FBXL13: variants seen among roughly 807,000 people sequenced by gnomAD.
FBXL13 encodes the protein F-box and leucine rich repeat protein 13, also known as F-box and leucine-rich repeat protein 13.
A neutral mutation model predicts 83.6 loss-of-function variants in FBXL13; 67 were observed. The observed-to-expected ratio is 0.80, with a 90% CI of 0.66 to 0.98. The LOEUF (loss-of-function observed/expected upper bound fraction) is 0.98. Among genes scored for constraint, FBXL13 ranks in the 50% least tolerant of loss-of-function variants. The pLI is 0.00. For synonymous variants in FBXL13, 272 were observed against 299.5 expected, an observed-to-expected ratio of 0.91 and a Z score of 0.95; for missense variants, 822 against 866.5, an observed-to-expected ratio of 0.95 and a Z score of 0.64.
At chr7:103,046,263 CA>C (rs1335294042) in intron 2 of FBXL13, among the ~76,000 whole-genome samples, 1 of 152,118 alleles carries the variant, frequency 6.6e-6, no homozygotes. Context: ...TCTGTTTAGC[CA>C]ATTATATTAT....
chr7:102,835,778 T>G (rs1455733673), intron 17 of FBXL13, among the ~76,000 whole-genome samples: 2 of 149,684 alleles, frequency 1.3e-5, no homozygotes, highest in Admixed American at 1.3e-4. Context: ...CCCGGCTAAT[T>G]TTTTGTATTT....
At chr7:102,844,326 T>C (rs1803549657) in intron 17 of FBXL13, among the ~76,000 whole-genome samples, 2 of 151,992 alleles carry the variant, frequency 1.3e-5, no homozygotes, top group South Asian at 2.1e-4. Flanking sequence ...AACCAGAAAA[T>C]ATAAAGAGAA....
chr7:102,898,812 T>A (rs945508612), intron 11 of FBXL13, among the ~76,000 whole-genome samples: 14 of 152,350 alleles, frequency 9.2e-5, no homozygotes, highest in African/African-American at 2.9e-4. Context: ...GTGAGAAACC[T>A]TCACAACTTT....
intron 17 of FBXL13, among the ~76,000 whole-genome samples, chr7:102,854,453 A>G (rs1195820278): frequency 6.6e-6 from 1 of 152,224 alleles, no homozygotes; most frequent in Non-Finnish European, 1.5e-5. Flanking sequence ...GCGCACCAGC[A>G]TGTCACATGT....
chr7:102,990,374 AG>A (rs1829437062), intron 6 of FBXL13, among the ~76,000 whole-genome samples: 1 of 152,234 alleles, frequency 6.6e-6, no homozygotes, highest in Admixed American at 6.5e-5. Flanking sequence ...CAAGACAAGA[AG>A]GGATCATAGG....
chr7:102,922,799 C>T (rs1299691960), intron 10 of FBXL13, among the ~76,000 whole-genome samples: 5 of 151,674 alleles, frequency 3.3e-5, no homozygotes, highest in African/African-American at 9.7e-5. Context: ...AGTGAAACCC[C>T]GTCTCTACTA....
intron 17 of FBXL13, among the ~76,000 whole-genome samples, chr7:102,841,848 G>T (rs1467397958): frequency 1.1e-4 from 17 of 152,134 alleles, no homozygotes. Context: ...ACTATCCTTG[G>T]CATGGATAGC....
At chr7:102,819,171 C>G (rs989768756) in intron 19 of FBXL13, among the ~76,000 whole-genome samples, 8 of 152,158 alleles carry the variant, frequency 5.3e-5, no homozygotes, top group African/African-American at 1.9e-4. Context: ...CTTTCTTCCT[C>G]TCTCTCACTC....
intron 6 of FBXL13, among the ~76,000 whole-genome samples, chr7:103,015,263 T>C (rs1792148661): frequency 6.6e-6 from 1 of 152,184 alleles, no homozygotes; most frequent in South Asian, 2.1e-4. Flanking sequence ...GCTGAAGGCA[T>C]TCCCCTTGAA....
At chr7:103,021,255 G>T (rs1179071817) in intron 6 of FBXL13, among the ~76,000 whole-genome samples, 2 of 152,130 alleles carry the variant, frequency 1.3e-5, no homozygotes, top group East Asian at 3.8e-4. Flanking sequence ...TTTAATAAAT[G>T]GTGCTGGAAA....
chr7:102,902,764 CTA>C (rs1180482213), intron 11 of FBXL13, among the ~76,000 whole-genome samples: 1 of 152,056 alleles, frequency 6.6e-6, no homozygotes, highest in Non-Finnish European at 1.5e-5. Context: ...TCTGGGTTCT[CTA>C]TTCTGTTCTA....
intron 16 of FBXL13, among the ~76,000 whole-genome samples, chr7:102,868,923 C>G (rs552050207): frequency 2.0e-5 from 3 of 152,362 alleles, no homozygotes; most frequent in Admixed American, 2.0e-4. Context: ...CTGCCTTGGC[C>G]TCCCAAAGTG....
At chr7:102,925,865 C>T (rs1249190381) in intron 10 of FBXL13, among the ~76,000 whole-genome samples, 3 of 150,658 alleles carry the variant, frequency 2.0e-5, no homozygotes, top group Non-Finnish European at 4.4e-5. Flanking sequence ...CGCTTGGACC[C>T]GGGAGGCGTA....
intron 16 of FBXL13, among the ~76,000 whole-genome samples, chr7:102,871,747 C>T (rs1344167467): frequency 1.3e-5 from 2 of 152,110 alleles, no homozygotes; most frequent in East Asian, 1.9e-4. Flanking sequence ...TCTTATCCTC[C>T]CATCCCTCCA....
At chr7:102,815,466 G>C (rs1797866864) in intron 19 of FBXL13, among the ~76,000 whole-genome samples, 1 of 151,966 alleles carries the variant, frequency 6.6e-6, no homozygotes, top group Non-Finnish European at 1.5e-5. Flanking sequence ...CTGGATTGCT[G>C]GTCTAGAAGG....
rs569046016 is a variant in FBXL13, at chr7:103,001,118, A to G, written c.495+23945T>C. Among the ~76,000 whole-genome samples, 287 of 146,902 alleles carry G rather than the reference A, an allele frequency of 2.0e-3. 1 individual carries two copies. Among genetic ancestry groups the G allele is most frequent in the African/African-American group, 6.4e-3 (256 of 40,230 alleles). On this transcript the variant is annotated intron_variant, in intron 6 of 19. Coordinates refer to ENST00000313221, the Ensembl canonical transcript of FBXL13. Reference sequence around the variant, plus strand: ...TCCCACCACACCCAGTTCTATATATATATTTTTTTTTGATTTTTTTTTTGT... The same window carrying G: ...TCCCACCACACCCAGTTCTATATATGTATTTTTTTTTGATTTTTTTTTTGT...
intron 8 of FBXL13, chr7:102,939,289 T>G: frequency 1.5e-6 from 1 of 647,728 alleles, no homozygotes; most frequent in Non-Finnish European, 2.6e-6. Context: ...AAGGCTTGTT[T>G]CATACTAACT....
At chr7:102,816,538 G>A (rs186661932) in intron 19 of FBXL13, among the ~76,000 whole-genome samples, 7 of 152,130 alleles carry the variant, frequency 4.6e-5, no homozygotes, top group South Asian at 2.1e-4. Flanking sequence ...AGAAGAGATC[G>A]GCAAGTGGCT....
intron 19 of FBXL13, among the ~76,000 whole-genome samples, chr7:102,818,280 A>G (rs919983844): frequency 2.0e-5 from 3 of 152,216 alleles, no homozygotes; most frequent in Admixed American, 2.0e-4. Context: ...TGTAATATAA[A>G]GGCGAAGAGC....
Sources: allele counts gnomAD v4.1 joint callset (sites outside exome capture counted in the v4.1 genomes callset), GRCh38; gene constraint gnomAD v4.1.1; transcripts MANE v1.5; gene names NCBI Gene and HGNC (gene_info 2026-07-23, HGNC 2026-07-21).